The following RBM39 variants were observed in gnomAD, a reference collection of about 807,000 sequenced individuals.
RBM39 encodes the protein RNA-binding protein 39.
A neutral mutation model predicts 79.6 loss-of-function variants in RBM39; 12 were observed. The observed-to-expected ratio is 0.15, with a 90% CI of 0.10 to 0.24. The LOEUF is 0.24. RBM39 is among the 10% of genes least tolerant of loss of function. RBM39 has a pLI of 1.00. For missense variants in RBM39, 243 were observed against 653.4 expected (o/e 0.37, Z 6.85); for synonymous variants, 185 against 208.4 (o/e 0.89, Z 0.97).
chr20:35,734,205 C>T (rs2039673366), intron 3 of RBM39: 1 of 1,303,116 alleles, frequency 7.7e-7, no homozygotes, highest in Non-Finnish European at 1.0e-6. Context: ...TCTTGAAACC[C>T]ACACTCCAAT....
intron 14 of RBM39, 70 bp downstream of exon 14, chr20:35,707,050 A>G (rs2425075): frequency 1.0e-4 from 71 of 701,014 alleles, no homozygotes; most frequent in Admixed American, 9.1e-4. Context: ...AAAAAAAAAA[A>G]AGAGAAATAT....
intron 3 of RBM39, among the ~76,000 whole-genome samples, chr20:35,733,234 T>G: frequency 1.4e-5 from 2 of 143,716 alleles, no homozygotes; most frequent in Non-Finnish European, 1.5e-5. Flanking sequence ...ACCCGGGAGG[T>G]GGAGGTTGCA....
intron 15 of RBM39, 154 bp downstream of exon 15, chr20:35,705,071 G>A: frequency 1.6e-6 from 1 of 623,770 alleles, no homozygotes; most frequent in Non-Finnish European, 2.8e-6. Flanking sequence ...TATTTTGGAG[G>A]GTTTATTTAG....
chr20:35,713,257 G>A, intron 11 of RBM39, 161 bp from the exon 12 acceptor site: 1 of 539,230 alleles, frequency 1.9e-6, no homozygotes. Context: ...GAGGCCAAGG[G>A]AGGTGGTTCA....
chr20:35,736,148 T>C (rs1405645913), intron 3 of RBM39, among the ~76,000 whole-genome samples: 1 of 152,166 alleles, frequency 6.6e-6, no homozygotes, highest in Non-Finnish European at 1.5e-5. Context: ...TTTATATGGA[T>C]ACACCTTCCT....
intron 3 of RBM39, chr20:35,735,049 G>A (rs1007840759): frequency 6.3e-7 from 1 of 1,576,114 alleles, no homozygotes; most frequent in Non-Finnish European, 8.5e-7. Context: ...CCTCTTCCAT[G>A]TAAGAAGATC....
At chr20:35,737,848 C>CA (rs35300439) in intron 3 of RBM39, among the ~76,000 whole-genome samples, 1,153 of 39,688 alleles carry the variant, frequency 0.029, 40 homozygotes, top group African/African-American at 0.051. Flanking sequence ...GACTCCGTGT[C>CA]AAAAAAAAAA....
Position 35,724,636 on chromosome 20 carries a change from C to T in RBM39, c.621G>A (p.Val207=). The change falls in exon 8 of 17, where the codon GTG becomes GTA. Residue 207 remains valine, a synonymous_variant. Coordinates refer to ENST00000253363, the MANE Select transcript of RBM39 (RefSeq NM_184234.3). Reference sequence around the variant, plus strand: ...GGCCAGTTAATCCTATTGCTAGAGGCACTGAGCTAACATCGACGAACTCCA... The same window carrying T: ...GGCCAGTTAATCCTATTGCTAGAGGTACTGAGCTAACATCGACGAACTCCA... ...AYVEFVDVSS[V]PLAIGLTGQR... is the part of the protein sequence containing the mutation. 1 of 1,614,118 alleles carries T rather than the reference C, an allele frequency of 6.2e-7. No individual in the cohort carries two copies. The highest frequency in any genetic ancestry group is 8.5e-7 in the Non-Finnish European group (1 of 1,180,012).
chr20:35,725,835 T>C (rs1359555279), intron 6 of RBM39, among the ~76,000 whole-genome samples: 1 of 151,114 alleles, frequency 6.6e-6, no homozygotes, highest in Non-Finnish European at 1.5e-5. Flanking sequence ...AGCTAATTTT[T>C]GTATTTTAAG....
intron 12 of RBM39, among the ~76,000 whole-genome samples, chr20:35,709,642 G>C (rs1401861297): frequency 6.6e-6 from 1 of 152,076 alleles, no homozygotes; most frequent in Non-Finnish European, 1.5e-5. Flanking sequence ...GGAAATGCAA[G>C]TATTTATATT....
At chr20:35,710,891 C>G (rs770637973) in intron 12 of RBM39, among the ~76,000 whole-genome samples, 5 of 152,054 alleles carry the variant, frequency 3.3e-5, no homozygotes, top group African/African-American at 4.8e-5. Context: ...TAACTAGATA[C>G]ATAGATAAAG....
At chr20:35,727,646 T>C (rs2038892418) in intron 6 of RBM39, among the ~76,000 whole-genome samples, 2 of 144,368 alleles carry the variant, frequency 1.4e-5, no homozygotes, top group South Asian at 2.3e-4. Flanking sequence ...CAGCTAATTT[T>C]TGTATTTTTT....
chr20:35,716,204 G>C (rs373075291), intron 10 of RBM39, among the ~76,000 whole-genome samples: 2 of 151,972 alleles, frequency 1.3e-5, no homozygotes, highest in African/African-American at 2.4e-5. Context: ...CTCACAAGTA[G>C]GTGGGATTAC....
chr20:35,733,939 G>C (rs1180741563), intron 3 of RBM39, among the ~76,000 whole-genome samples: 1 of 152,104 alleles, frequency 6.6e-6, no homozygotes, highest in Non-Finnish European at 1.5e-5. Flanking sequence ...AATTTTAGAG[G>C]TGCCTTCAGA....
intron 12 of RBM39, among the ~76,000 whole-genome samples, chr20:35,712,804 G>A (rs2036607335): frequency 6.6e-6 from 1 of 152,026 alleles, no homozygotes; most frequent in Non-Finnish European, 1.5e-5. Flanking sequence ...ACTAAAAACT[G>A]GGGTGCAGGG....
At chr20:35,725,476 T>G (rs1269838264) in intron 6 of RBM39, among the ~76,000 whole-genome samples, 2 of 152,142 alleles carry the variant, frequency 1.3e-5, no homozygotes, top group Non-Finnish European at 2.9e-5. Flanking sequence ...CTACGGCATT[T>G]CACCATGTTA....
intron 10 of RBM39, among the ~76,000 whole-genome samples, chr20:35,715,800 C>T (rs1331189194): frequency 6.6e-6 from 1 of 152,146 alleles, no homozygotes; most frequent in Non-Finnish European, 1.5e-5. Flanking sequence ...AGGCAGATCC[C>T]TCATGAATGG....
chr20:35,738,288 A>T (rs1352453203), intron 3 of RBM39, among the ~76,000 whole-genome samples: 1 of 152,320 alleles, frequency 6.6e-6, no homozygotes, highest in East Asian at 1.9e-4. Flanking sequence ...AAAAAAAAAA[A>T]GTGGATCTCA....
At chr20:35,711,717 A>C (rs1020092138) in intron 12 of RBM39, among the ~76,000 whole-genome samples, 1 of 152,240 alleles carries the variant, frequency 6.6e-6, no homozygotes, top group African/African-American at 2.4e-5. Context: ...CTTCTACTTT[A>C]ATTGAATATT....
Sources: allele counts gnomAD v4.1 joint callset (sites outside exome capture counted in the v4.1 genomes callset), GRCh38; gene constraint gnomAD v4.1.1; transcripts MANE v1.5; gene names NCBI Gene and HGNC (gene_info 2026-07-23, HGNC 2026-07-21).